Variants in ASCC3 observed in about 807,000 individuals in gnomAD.
The protein encoded by ASCC3 is ASC-1 complex subunit P200.
In ASCC3, 158 loss-of-function variants were observed where a neutral mutation model predicts 256.3. The ratio of observed to expected loss-of-function variants is 0.62; its 90% confidence interval spans 0.54 to 0.70. ASCC3 has a LOEUF of 0.70. Ranked by LOEUF, ASCC3 falls within the 30% of genes least tolerant of loss-of-function variation. ASCC3 has a pLI of 0.00. For missense variants in ASCC3, 2,259 were observed against 2,626.0 expected (o/e 0.86, Z 3.05); for synonymous variants, 948 against 883.4 (o/e 1.07, Z -1.30).
At chr6:100,592,571 T>G (rs1338835467) in intron 34 of ASCC3, among the ~76,000 whole-genome samples, 3 of 151,880 alleles carry the variant, frequency 2.0e-5, no homozygotes, top group Non-Finnish European at 2.9e-5. Context: ...ATTTTGGGAG[T>G]TAATATATTT....
chr6:100,828,910 C>T (rs1413975186), intron 4 of ASCC3, among the ~76,000 whole-genome samples: 1 of 152,066 alleles, frequency 6.6e-6, no homozygotes, highest in Non-Finnish European at 1.5e-5. Flanking sequence ...CCACCCACAT[C>T]CTGCTGATTG....
intron 4 of ASCC3, among the ~76,000 whole-genome samples, chr6:100,808,782 C>T (rs1035742183): frequency 6.6e-6 from 1 of 151,860 alleles, no homozygotes; most frequent in African/African-American, 2.4e-5. Flanking sequence ...TTTGTGGGAA[C>T]ATCATAGAGT....
At chr6:100,610,335 C>T (rs77755384) in intron 30 of ASCC3, among the ~76,000 whole-genome samples, 2,337 of 152,206 alleles carry the variant, frequency 0.015, 24 homozygotes, top group East Asian at 0.045. Flanking sequence ...GAAACTATTG[C>T]TGCTGCTGCA....
chr6:100,571,182 A>G (rs1770575157), intron 36 of ASCC3, among the ~76,000 whole-genome samples: 2 of 152,114 alleles, frequency 1.3e-5, no homozygotes, highest in South Asian at 2.1e-4. Flanking sequence ...CTTTTCTGCT[A>G]TTCTTTGAAA....
chr6:100,875,692 A>G (rs543107229), intron 1 of ASCC3, among the ~76,000 whole-genome samples: 5 of 151,418 alleles, frequency 3.3e-5, no homozygotes, highest in African/African-American at 9.8e-5. Context: ...CAGTTGTCAT[A>G]TGGAAAAGTG....
rs1774955300 is a variant in ASCC3, at chr6:100,638,503, C to A, written c.4122+98G>T. 3 of 1,011,928 alleles carry A rather than the reference C, an allele frequency of 3.0e-6. No individual in the cohort carries two copies. In the Admixed American group the frequency reaches 6.9e-5, roughly 23 times the overall value. 62.7% of individuals were successfully genotyped at this position (1,011,928 alleles called of 1,614,324 possible). ...GGGAAATTCACTGAGAGTGACAAATCTATTCATTAGACCCTGCCAATATAT... is the reference window on the plus strand; with the variant it reads ...GGGAAATTCACTGAGAGTGACAAATATATTCATTAGACCCTGCCAATATAT... On this transcript the variant is annotated intron_variant, in intron 25 of 41. Transcript: ENST00000369162.
intron 36 of ASCC3, among the ~76,000 whole-genome samples, chr6:100,580,055 T>A (rs753429943): frequency 5.9e-5 from 9 of 152,162 alleles, no homozygotes; most frequent in Admixed American, 3.3e-4. Flanking sequence ...TTTCGTCAGT[T>A]GTATTTCTAG....
Position 100,767,315 on chromosome 6 carries a change from T to G in ASCC3, c.1426A>C (p.Arg476=). 1 of 1,607,842 alleles carries G rather than the reference T, an allele frequency of 6.2e-7. No individual in the cohort carries two copies. Among genetic ancestry groups the G allele is most frequent in the African/African-American group, 1.4e-5 (1 of 72,900 alleles). The change falls in exon 9 of 42, where the codon AGA becomes CGA. Residue 476 remains arginine, a synonymous_variant. Transcript: ENST00000369162. ...IGQLAFKGMK[R]LNRIQSIVFE... Reference sequence around the variant, plus strand: ...ACTATTGACTGGATTCTATTGAGTCTCTTCATTCCTTTAAAAGCCAGCTGT... The same window carrying G: ...ACTATTGACTGGATTCTATTGAGTCGCTTCATTCCTTTAAAAGCCAGCTGT...
intron 36 of ASCC3, among the ~76,000 whole-genome samples, chr6:100,584,793 T>G (rs1771552697): frequency 6.6e-6 from 1 of 152,130 alleles, no homozygotes; most frequent in Admixed American, 6.5e-5. Context: ...TGACAAAATC[T>G]CTCAGCATTT....
chr6:100,798,804 T>C lies in ASCC3; in HGVS notation c.1304A>G (p.Asn435Ser), dbSNP rs1414531673. 1.2e-6 allele frequency: 2 copies of C among 1,612,852 alleles called. No homozygotes were observed. The highest frequency in any genetic ancestry group is 1.7e-6 in the Non-Finnish European group (2 of 1,179,460). ...ILPEGIQREN[N>S]KLYEEVRIPY... ...AATCCTTACTTCTTCATAAAGCTTG[T>C]TATTCTCTCTTTGGATTCCTTCTGG... Residue 435 changes from asparagine to serine, a missense_variant, in exon 8 of 42, where the codon AAC (asparagine) becomes AGC (serine). By Grantham distance (46) the Asn-to-Ser change is conservative. Around this residue, in one of 2 missense-constraint regions of ASCC3, gnomAD observed 1,839 missense variants for 2,206.7 expected, o/e 0.83. Coordinates refer to ENST00000369162, the MANE Select transcript of ASCC3 (RefSeq NM_006828.4).
chr6:100,530,087 T>A (rs2114640402), intron 37 of ASCC3, among the ~76,000 whole-genome samples: 1 of 152,312 alleles, frequency 6.6e-6, no homozygotes, highest in South Asian at 2.1e-4. Context: ...AATTCCAATT[T>A]AAATTTGCAA....
chr6:100,847,206 A>AATCAT (rs1320910618), intron 4 of ASCC3, among the ~76,000 whole-genome samples: 6 of 152,154 alleles, frequency 3.9e-5, no homozygotes, highest in African/African-American at 1.4e-4. Context: ...AGTTTATTAT[A>AATCAT]ATCATAATTG....
At chr6:100,817,160 T>C (rs1259228874) in intron 4 of ASCC3, among the ~76,000 whole-genome samples, 1 of 151,706 alleles carries the variant, frequency 6.6e-6, no homozygotes, top group Non-Finnish European at 1.5e-5. Flanking sequence ...CCAACTACAA[T>C]GGAATGAAAC....
At chr6:100,540,137 A>G in intron 37 of ASCC3, 26 bp downstream of exon 37, 2 of 1,571,786 alleles carry the variant, frequency 1.3e-6, no homozygotes, top group Non-Finnish European at 1.8e-6. Flanking sequence ...GAAAACACAC[A>G]TAGGTATTAG....
intron 20 of ASCC3, among the ~76,000 whole-genome samples, chr6:100,648,128 C>T (rs1156355283): frequency 6.6e-6 from 1 of 152,060 alleles, no homozygotes; most frequent in Non-Finnish European, 1.5e-5. Context: ...AGAGCATCTA[C>T]TCAAAGCCAG....
intron 4 of ASCC3, among the ~76,000 whole-genome samples, chr6:100,821,271 C>T (rs1771026689): frequency 6.6e-6 from 1 of 152,156 alleles, no homozygotes; most frequent in African/African-American, 2.4e-5. Context: ...CTGTCTCAGC[C>T]TCGCAAAGCG....
chr6:100,853,062 T>C (rs1413149498), intron 3 of ASCC3, among the ~76,000 whole-genome samples: 1 of 151,852 alleles, frequency 6.6e-6, no homozygotes, highest in African/African-American at 2.4e-5. Flanking sequence ...TGATCAGAAC[T>C]CAACTTGGCT....
chr6:100,718,313 A>T, intron 11 of ASCC3, 62 bp from the exon 12 acceptor site: 1 of 1,399,418 alleles, frequency 7.1e-7, no homozygotes, highest in South Asian at 1.4e-5. Flanking sequence ...AAAACATTAT[A>T]ATTTGTCCTA....
intron 13 of ASCC3, among the ~76,000 whole-genome samples, chr6:100,696,449 A>C (rs1778086094): frequency 1.3e-5 from 2 of 152,230 alleles, no homozygotes; most frequent in South Asian, 4.1e-4. Flanking sequence ...ATTTCTCTAA[A>C]AATGTAGTCA....
Sources: gnomAD v4.1 joint callset for allele counts (sites outside exome capture counted in the v4.1 genomes callset) on GRCh38, gnomAD v4.1.1 for gene constraint, gnomAD v4.1.1 regional missense constraint, MANE v1.5 for transcripts, NCBI Gene and HGNC (gene_info 2026-07-23, HGNC 2026-07-21) for gene names.